Variants in SPOPL observed in about 807,000 individuals in gnomAD.
SPOPL encodes the protein speckle type BTB/POZ protein like.
A neutral mutation model predicts 53.8 loss-of-function variants in SPOPL; 23 were observed. The ratio of observed to expected loss-of-function variants is 0.43; its 90% CI spans 0.31 to 0.61. SPOPL has a LOEUF of 0.61. SPOPL is among the 20% of genes least tolerant of loss of function. The pLI, the probability that SPOPL is intolerant of heterozygous loss-of-function variation, is 0.12. For synonymous variants in SPOPL, 164 were observed against 149.7 expected, an observed-to-expected ratio of 1.10 and a Z score of -0.70; for missense variants, 442 against 466.9, an observed-to-expected ratio of 0.95 and a Z score of 0.49.
chr2:138,569,268 G>A lies in SPOPL; in HGVS notation c.*188G>A, dbSNP rs554137231. ...TTATTCTTCAGCTTTAAATTAGACT[G>A]ATTAATTCACTTCAAGGCCTTAAAT... On this transcript the variant is annotated 3_prime_UTR_variant, in exon 11 of 11. Coordinates refer to ENST00000280098, the MANE Select transcript of SPOPL (RefSeq NM_001001664.3). The A allele has an allele frequency of 6.8e-6, 4 of 590,768 alleles. No individual in the cohort carries two copies. The highest frequency in any genetic ancestry group is 1.2e-5 in the Non-Finnish European group (4 of 344,054). 36.6% of individuals were successfully genotyped at this position (590,768 alleles called of 1,614,324 possible).
chr2:138,573,240 C>A lies in SPOPL; in HGVS notation c.*4160C>A, dbSNP rs1420888891. On this transcript the variant is annotated 3_prime_UTR_variant, in exon 11 of 11. Transcript: ENST00000280098. ...TTACTACTTATTCAAGATTAATTGGCTTATCTTGTGTTTATTTGAAGAATA... is the reference window on the plus strand; with the variant it reads ...TTACTACTTATTCAAGATTAATTGGATTATCTTGTGTTTATTTGAAGAATA... 4 of 152,006 alleles carry A rather than the reference C, an allele frequency of 2.6e-5. No individual in the cohort carries two copies. Among genetic ancestry groups the A allele is most frequent in the African/African-American group, 9.7e-5 (4 of 41,392 alleles). 9.4% of individuals were successfully genotyped at this position (152,006 alleles called of 1,614,324 possible). A position where few individuals can be genotyped will look rare whatever the true frequency, so the allele number is the denominator to read the frequency against.
chr2:138,573,210 AGTT>A lies in SPOPL; in HGVS notation c.*4134_*4136del, dbSNP rs1685823383. The A allele has an allele frequency of 6.6e-6, 1 of 152,160 alleles. No individual in the cohort carries two copies. Among genetic ancestry groups the A allele is most frequent in the Non-Finnish European group, 1.5e-5 (1 of 68,020 alleles). The allele number at this position is 152,160 out of a possible 1,614,324, so 9.4% of individuals were successfully genotyped here. A position where few individuals can be genotyped will look rare whatever the true frequency, so the allele number is the denominator to read the frequency against. ...ATTTCAACACATTGAGTTAAAATAA[AGTT>A]GTTACTACTTATTCAAGATTAATTG... On this transcript the variant is annotated 3_prime_UTR_variant, in exon 11 of 11. Coordinates refer to ENST00000280098, the MANE Select transcript of SPOPL (RefSeq NM_001001664.3).
At chr2:138,533,953 T>C (rs1170405592) in intron 1 of SPOPL, among the ~76,000 whole-genome samples, 1 of 152,154 alleles carries the variant, frequency 6.6e-6, no homozygotes, top group Non-Finnish European at 1.5e-5. Context: ...TAAACATCAG[T>C]CTCATTTTAT....
At chr2:138,504,039 A>T (rs1195268044) in intron 1 of SPOPL, among the ~76,000 whole-genome samples, 1 of 152,196 alleles carries the variant, frequency 6.6e-6, no homozygotes, top group Non-Finnish European at 1.5e-5. Context: ...TTGCTTACTT[A>T]TTACATTTTT....
chr2:138,523,731 TC>T (rs1407598491), intron 1 of SPOPL, among the ~76,000 whole-genome samples: 1 of 152,176 alleles, frequency 6.6e-6, no homozygotes, highest in Non-Finnish European at 1.5e-5. Context: ...TCTTAAAGCT[TC>T]AAAATGATCT....
At chr2:138,538,995 C>T (rs892255854) in intron 1 of SPOPL, among the ~76,000 whole-genome samples, 6 of 152,024 alleles carry the variant, frequency 3.9e-5, no homozygotes, top group Non-Finnish European at 7.4e-5. Context: ...TGAGAACATG[C>T]GGTGTTTGGT....
chr2:138,562,908 C>T (rs922950143), intron 8 of SPOPL, among the ~76,000 whole-genome samples: 14 of 151,314 alleles, frequency 9.3e-5, no homozygotes, highest in Admixed American at 2.0e-4. Flanking sequence ...AGCTGTGACA[C>T]CAAAAATTCT....
chr2:138,571,621 G>C lies in SPOPL; in HGVS notation c.*2541G>C, dbSNP rs1685783424. 6.6e-6 allele frequency: 1 copy of C among 152,426 alleles called. No homozygotes were observed. Among genetic ancestry groups the C allele is most frequent in the African/African-American group, 2.4e-5 (1 of 41,428 alleles). 9.4% of individuals were successfully genotyped at this position (152,426 alleles called of 1,614,324 possible). A position where few individuals can be genotyped will look rare whatever the true frequency, so the allele number is the denominator to read the frequency against. ...ACACTTAATGTATTCTGACATGAGTGCTCTAATAGCCTCCTTCTCCTCATT... is the reference window on the plus strand; with the variant it reads ...ACACTTAATGTATTCTGACATGAGTCCTCTAATAGCCTCCTTCTCCTCATT... On this transcript the variant is annotated 3_prime_UTR_variant, in exon 11 of 11. Coordinates refer to ENST00000280098, the MANE Select transcript of SPOPL (RefSeq NM_001001664.3).
intron 1 of SPOPL, among the ~76,000 whole-genome samples, chr2:138,543,165 A>G (rs1295839029): frequency 6.6e-6 from 1 of 152,102 alleles, no homozygotes; most frequent in Non-Finnish European, 1.5e-5. Flanking sequence ...GGCTGCCTTA[A>G]CATTTTTTCC....
chr2:138,535,451 A>G (rs939483902), intron 1 of SPOPL, among the ~76,000 whole-genome samples: 8 of 149,708 alleles, frequency 5.3e-5, no homozygotes, highest in African/African-American at 2.0e-4. Flanking sequence ...TTAAACCATT[A>G]TACATCTCCA....
chr2:138,522,388 C>G (rs753902227), intron 1 of SPOPL, among the ~76,000 whole-genome samples: 6 of 152,144 alleles, frequency 3.9e-5, no homozygotes, highest in Non-Finnish European at 8.8e-5. Context: ...AGCTATTTCA[C>G]TTATGCCTCA....
At chr2:138,556,110 A>G (rs1397183351) in intron 5 of SPOPL, among the ~76,000 whole-genome samples, 2 of 152,324 alleles carry the variant, frequency 1.3e-5, no homozygotes, top group East Asian at 1.9e-4. Flanking sequence ...TTTATGTTCT[A>G]TAAGAAGTCT....
chr2:138,565,025 G>A, intron 10 of SPOPL, 32 bp downstream of exon 10: 1 of 1,612,910 alleles, frequency 6.2e-7, no homozygotes, highest in Non-Finnish European at 8.5e-7. Flanking sequence ...ACTCAAAGTT[G>A]CTCTACATAA....
intron 1 of SPOPL, among the ~76,000 whole-genome samples, chr2:138,504,637 C>T (rs1475725651): frequency 6.6e-6 from 1 of 152,166 alleles, no homozygotes; most frequent in East Asian, 1.9e-4. Flanking sequence ...AACCATGTTT[C>T]TGGGTGAAAA....
chr2:138,561,259 G>A (rs1335002559), intron 8 of SPOPL, among the ~76,000 whole-genome samples: 1 of 151,952 alleles, frequency 6.6e-6, no homozygotes, highest in Non-Finnish European at 1.5e-5. Flanking sequence ...TATAGTGCAT[G>A]ACCTTTTTTA....
intron 1 of SPOPL, among the ~76,000 whole-genome samples, chr2:138,505,660 G>A (rs1480739112): frequency 3.3e-5 from 5 of 149,674 alleles, no homozygotes; most frequent in East Asian, 2.0e-4. Context: ...CTGTAGTCCC[G>A]GCTACTTGGG....
Position 138,535,209 on chromosome 2 carries a change from T to A in SPOPL, c.-60-14948T>A, listed in dbSNP as rs898085611. Among the ~76,000 whole-genome samples the A allele has an allele frequency of 2.6e-5, 4 of 152,260 alleles. No individual in the cohort carries two copies. The East Asian group carries it at 5.8e-4, about 22-fold the overall frequency. On this transcript the variant is annotated intron_variant, in intron 1 of 10. Coordinates refer to ENST00000280098, the MANE Select transcript of SPOPL (RefSeq NM_001001664.3). ...TTCATTGTGTACATGTACCACATTT[T>A]AAAAATTCATTTATTGCTTGATGAA...
At chr2:138,536,461 G>C (rs763840174) in intron 1 of SPOPL, among the ~76,000 whole-genome samples, 1 of 152,108 alleles carries the variant, frequency 6.6e-6, no homozygotes, top group Non-Finnish European at 1.5e-5. Context: ...CTTTCTTTTT[G>C]CCTGACTACT....
intron 10 of SPOPL, among the ~76,000 whole-genome samples, chr2:138,568,191 A>G (rs967750982): frequency 3.3e-5 from 5 of 152,154 alleles, no homozygotes; most frequent in Non-Finnish European, 7.4e-5. Flanking sequence ...CATAATCCAA[A>G]CGTGAGATGA....
Sources: allele counts gnomAD v4.1 joint callset (sites outside exome capture counted in the v4.1 genomes callset), GRCh38; gene constraint gnomAD v4.1.1; transcripts MANE v1.5; gene names NCBI Gene and HGNC (gene_info 2026-07-23, HGNC 2026-07-21).